ENOX1: variants seen among roughly 807,000 people sequenced by gnomAD.
ENOX1 encodes the protein ecto-NOX disulfide-thiol exchanger 1, also known as candidate growth-related and time keeping constitutive hydroquinone (NADH) oxidase.
A neutral mutation model predicts 82.5 loss-of-function variants in ENOX1; 42 were observed. The observed-to-expected ratio is 0.51, with a 90% confidence interval of 0.40 to 0.66. The LOEUF (loss-of-function observed/expected upper bound fraction) is 0.66, where lower values mean the gene tolerates loss of function less well. ENOX1 is among the 30% of genes least tolerant of loss of function. ENOX1 has a pLI of 0.00. For missense variants in ENOX1, 608 were observed against 811.6 expected (o/e 0.75, Z 3.05); for synonymous variants, 271 against 282.2 (o/e 0.96, Z 0.40).
At chr13:43,785,444 T>C (rs1239769161) in intron 1 of ENOX1, among the ~76,000 whole-genome samples, 1 of 152,208 alleles carries the variant, frequency 6.6e-6, no homozygotes, top group Non-Finnish European at 1.5e-5. Flanking sequence ...TGCAGCCCAG[T>C]TGGCCAGGAA....
intron 2 of ENOX1, among the ~76,000 whole-genome samples, chr13:43,498,153 G>T (rs1427890911): frequency 1.3e-5 from 2 of 151,796 alleles, no homozygotes; most frequent in Non-Finnish European, 2.9e-5. Flanking sequence ...ACATAATTTT[G>T]CACTGCCATG....
chr13:43,666,315 A>C (rs2084976216), intron 2 of ENOX1, among the ~76,000 whole-genome samples: 1 of 152,174 alleles, frequency 6.6e-6, no homozygotes, highest in Non-Finnish European at 1.5e-5. Flanking sequence ...TGTGTACCCC[A>C]AAAAGATGCT....
At chr13:43,231,636 G>GA (rs2153456375) in intron 15 of ENOX1, among the ~76,000 whole-genome samples, 1 of 152,274 alleles carries the variant, frequency 6.6e-6, no homozygotes, top group East Asian at 1.9e-4. Flanking sequence ...TCCATCCAGT[G>GA]AAAACCTCTT....
At chr13:43,347,233 T>C (rs956174273) in intron 8 of ENOX1, among the ~76,000 whole-genome samples, 1 of 152,192 alleles carries the variant, frequency 6.6e-6, no homozygotes, top group African/African-American at 2.4e-5. Flanking sequence ...CAGATTATAG[T>C]TTCAGAAAGA....
intron 16 of ENOX1, among the ~76,000 whole-genome samples, chr13:43,214,399 C>T (rs1403999433): frequency 6.6e-6 from 1 of 152,150 alleles, no homozygotes; most frequent in Admixed American, 6.5e-5. Flanking sequence ...CATTCCTGAA[C>T]AGCCCTCCCC....
intron 14 of ENOX1, among the ~76,000 whole-genome samples, chr13:43,247,858 TATATATATATATATA>T (rs1566329284): frequency 0.019 from 74 of 3,838 alleles, 3 homozygotes; most frequent in African/African-American, 0.025. Context: ...TATATATATA[TATATATATATATATA>T]TATATATATA....
intron 1 of ENOX1, among the ~76,000 whole-genome samples, chr13:43,756,795 T>C (rs962630295): frequency 1.3e-5 from 2 of 152,048 alleles, no homozygotes; most frequent in African/African-American, 2.4e-5. Context: ...TTACCTTCTC[T>C]AGTTATAACT....
chr13:43,547,586 T>C (rs2079026139), intron 2 of ENOX1: 1 of 152,172 alleles, frequency 6.6e-6, no homozygotes, highest in Admixed American at 6.5e-5. Flanking sequence ...AAAGGGGCAA[T>C]TTTGGTTTGT....
intron 3 of ENOX1, among the ~76,000 whole-genome samples, chr13:43,427,524 C>T (rs1250684025): frequency 1.3e-5 from 2 of 152,252 alleles, no homozygotes; most frequent in South Asian, 2.1e-4. Flanking sequence ...TAGAAGGTTC[C>T]TCTGGGTTTA....
intron 2 of ENOX1, among the ~76,000 whole-genome samples, chr13:43,595,371 T>C (rs538658640): frequency 6.6e-6 from 1 of 152,262 alleles, no homozygotes; most frequent in South Asian, 2.1e-4. Context: ...CCTTTTTCTT[T>C]CATCCTCCAG....
chr13:43,296,604 TATG>T (rs2046298999), intron 12 of ENOX1, among the ~76,000 whole-genome samples: 1 of 152,192 alleles, frequency 6.6e-6, no homozygotes, highest in Non-Finnish European at 1.5e-5. Context: ...TCTGAAAAGT[TATG>T]AGAAGCTCCC....
chr13:43,637,251 C>A (rs2083449116), intron 2 of ENOX1, among the ~76,000 whole-genome samples: 1 of 152,178 alleles, frequency 6.6e-6, no homozygotes, highest in Non-Finnish European at 1.5e-5. Flanking sequence ...TAGATTTAGT[C>A]AGAATCAACT....
intron 5 of ENOX1, among the ~76,000 whole-genome samples, chr13:43,387,007 T>C (rs2052454439): frequency 6.6e-6 from 1 of 152,318 alleles, no homozygotes; most frequent in South Asian, 2.1e-4. Context: ...TGAGAAGATT[T>C]AGAGTCCTCT....
chr13:43,471,005 T>C (rs2058044250), intron 3 of ENOX1, among the ~76,000 whole-genome samples: 1 of 152,176 alleles, frequency 6.6e-6, no homozygotes, highest in South Asian at 2.1e-4. Flanking sequence ...AATCCTACTT[T>C]TAGATGTTGA....
intron 3 of ENOX1, among the ~76,000 whole-genome samples, chr13:43,439,363 G>A (rs1015253788): frequency 6.6e-6 from 1 of 151,874 alleles, no homozygotes; most frequent in African/African-American, 2.4e-5. Flanking sequence ...CACCACGCCT[G>A]GCTAATTTTT....
chr13:43,482,297 T>A (rs1748777154), intron 3 of ENOX1, among the ~76,000 whole-genome samples: 1 of 152,170 alleles, frequency 6.6e-6, no homozygotes, highest in Non-Finnish European at 1.5e-5. Flanking sequence ...CAGAAGATTA[T>A]TAAGCCTAAC....
intron 12 of ENOX1, among the ~76,000 whole-genome samples, chr13:43,287,019 T>C (rs1041315335): frequency 6.6e-6 from 1 of 152,124 alleles, no homozygotes; most frequent in Non-Finnish European, 1.5e-5. Flanking sequence ...TGTGGGGTTA[T>C]AGAGGGAACA....
intron 2 of ENOX1, among the ~76,000 whole-genome samples, chr13:43,602,589 T>C (rs894190256): frequency 6.6e-6 from 1 of 152,122 alleles, no homozygotes; most frequent in Admixed American, 6.5e-5. Flanking sequence ...TGCCAGCTCA[T>C]GGAAATATAA....
chr13:43,743,414 C>T (rs554374546), intron 1 of ENOX1, among the ~76,000 whole-genome samples: 2 of 152,314 alleles, frequency 1.3e-5, no homozygotes, highest in South Asian at 2.1e-4. Context: ...ACAAAGGAGC[C>T]TCATTTCCTA....
Sources: allele counts gnomAD v4.1 joint callset (sites outside exome capture counted in the v4.1 genomes callset), GRCh38; gene constraint gnomAD v4.1.1; transcripts MANE v1.5; gene names NCBI Gene and HGNC (gene_info 2026-07-23, HGNC 2026-07-21).